HACD2: variants seen among roughly 807,000 people sequenced by gnomAD.
HACD2 encodes very-long-chain (3R)-3-hydroxyacyl-CoA dehydratase 2.
In HACD2, 15 loss-of-function variants were observed where a neutral mutation model predicts 31.0. The ratio of observed to expected loss-of-function variants is 0.48; its 90% CI spans 0.32 to 0.75. The LOEUF (loss-of-function observed/expected upper bound fraction) is 0.75, where lower values mean the gene tolerates loss of function less well. Ranked by LOEUF, HACD2 falls within the 30% of genes least tolerant of loss-of-function variation. The pLI is 0.03. For missense variants in HACD2, 283 were observed against 313.0 expected (o/e 0.90, Z 0.72); for synonymous variants, 115 against 122.2 (o/e 0.94, Z 0.39).
At chr3:123,522,331 A>AC in intron 4 of HACD2, among the ~76,000 whole-genome samples, 1 of 119,318 alleles carries the variant, frequency 8.4e-6, no homozygotes, top group Non-Finnish European at 1.9e-5. Flanking sequence ...CTGTCTCCAA[A>AC]CAAAAAAAAA....
intron 3 of HACD2, among the ~76,000 whole-genome samples, chr3:123,553,433 G>A (rs180931405): frequency 6.6e-6 from 1 of 152,336 alleles, no homozygotes; most frequent in Admixed American, 6.5e-5. Flanking sequence ...AAACATGGAT[G>A]GACTCAGAGA....
Position 123,541,338 on chromosome 3 carries a change from G to T in HACD2, c.293-12864C>A, listed in dbSNP as rs1038030981. Among the ~76,000 whole-genome samples the T allele has an allele frequency of 4.6e-5, 7 of 152,242 alleles. No homozygotes were observed. The South Asian group carries it at 8.3e-4, about 18-fold the overall frequency. The stretch of plus-strand genomic sequence containing the variant: ...AACACAAGATCTAATAAACAACAAG[G>T]TTGAGAGAATAAGTCATTTTCTCTT... On this transcript the variant is annotated intron_variant, in intron 3 of 6. Transcript: ENST00000383657.
chr3:123,519,356 A>C (rs1466964981), intron 4 of HACD2, among the ~76,000 whole-genome samples: 2 of 152,182 alleles, frequency 1.3e-5, no homozygotes, highest in Non-Finnish European at 2.9e-5. Context: ...GCTTAGTCAC[A>C]TGCTTTATTT....
intron 4 of HACD2, among the ~76,000 whole-genome samples, chr3:123,514,292 A>G (rs1351788469): frequency 1.3e-5 from 2 of 152,076 alleles, no homozygotes; most frequent in Non-Finnish European, 2.9e-5. Context: ...CAAAAAACAC[A>G]GAGAGAGTAG....
chr3:123,492,852 T>C lies in HACD2; in HGVS notation c.*2036A>G, dbSNP rs756890831. 3.9e-5 allele frequency: 6 copies of C among 152,186 alleles called. No individual in the cohort carries two copies. The highest frequency in any genetic ancestry group is 7.3e-5 in the Non-Finnish European group (5 of 68,038). The allele number at this position is 152,186 out of a possible 1,614,324, so 9.4% of individuals were successfully genotyped here. ...TCTATTTTATAGTAGAAATACATTA[T>C]GGAAGAATAAAATGAGAGAAAAGTC... On this transcript the variant is annotated 3_prime_UTR_variant, in exon 7 of 7. Transcript: ENST00000383657.
chr3:123,560,376 G>A (rs528940685), intron 3 of HACD2, among the ~76,000 whole-genome samples: 1 of 152,286 alleles, frequency 6.6e-6, no homozygotes, highest in African/African-American at 2.4e-5. Context: ...AAATGACAAA[G>A]GCAGAATTAA....
chr3:123,536,582 T>G (rs2056428948), intron 3 of HACD2, among the ~76,000 whole-genome samples: 1 of 152,108 alleles, frequency 6.6e-6, no homozygotes. Flanking sequence ...AACAGAAACC[T>G]GAAATGAAAA....
At chr3:123,579,984 C>G (rs1327810987) in intron 2 of HACD2, among the ~76,000 whole-genome samples, 1 of 152,000 alleles carries the variant, frequency 6.6e-6, no homozygotes, top group Non-Finnish European at 1.5e-5. Flanking sequence ...TCTATAGAGT[C>G]AGTTGGGAAA....
At chr3:123,497,306 G>A (rs1322460471) in intron 6 of HACD2, among the ~76,000 whole-genome samples, 1 of 152,192 alleles carries the variant, frequency 6.6e-6, no homozygotes, top group Non-Finnish European at 1.5e-5. Context: ...TCCCAATTCA[G>A]GGAACACAGA....
chr3:123,537,413 TA>T (rs1271047616), intron 3 of HACD2, among the ~76,000 whole-genome samples: 2 of 151,980 alleles, frequency 1.3e-5, no homozygotes. Flanking sequence ...AAAATTTTTT[TA>T]AAAAATAGCC....
Position 123,509,591 on chromosome 3 carries a change from C to T in HACD2, c.382-6910G>A, listed in dbSNP as rs558313680. ...TCAGCTCACTGCAAGCTCCGCTTCC[C>T]GGGTTCACGCCATTCTCCTGCCTCA... On this transcript the variant is annotated intron_variant, in intron 4 of 6. Transcript: ENST00000383657. Among the ~76,000 whole-genome samples the T allele has an allele frequency of 3.4e-3, 507 of 150,906 alleles. 5 individuals carry two copies. Among genetic ancestry groups the T allele is most frequent in the Non-Finnish European group, 3.5e-3 (236 of 67,738 alleles).
chr3:123,504,835 T>C (rs142082497), intron 4 of HACD2, among the ~76,000 whole-genome samples: 96 of 152,244 alleles, frequency 6.3e-4, no homozygotes, highest in African/African-American at 2.3e-3. Context: ...GATAAAGAGA[T>C]TGACCTTATG....
At chr3:123,574,044 T>C (rs1184051406) in intron 2 of HACD2, among the ~76,000 whole-genome samples, 1 of 152,230 alleles carries the variant, frequency 6.6e-6, no homozygotes, top group East Asian at 1.9e-4. Flanking sequence ...ACAGGGCTAA[T>C]TAATGGCAAA....
intron 3 of HACD2, among the ~76,000 whole-genome samples, chr3:123,551,051 G>C (rs1374923929): frequency 6.6e-6 from 1 of 152,178 alleles, no homozygotes; most frequent in Non-Finnish European, 1.5e-5. Flanking sequence ...AAGTAGTCAG[G>C]TTTTCAGTAA....
At chr3:123,539,648 C>A (rs1417028596) in intron 3 of HACD2, among the ~76,000 whole-genome samples, 1 of 151,840 alleles carries the variant, frequency 6.6e-6, no homozygotes, top group Non-Finnish European at 1.5e-5. Context: ...AATTTAAAAT[C>A]ATGAGAGAAA....
intron 4 of HACD2, among the ~76,000 whole-genome samples, chr3:123,509,813 C>T (rs2056033673): frequency 6.6e-6 from 1 of 152,072 alleles, no homozygotes; most frequent in African/African-American, 2.4e-5. Context: ...ACTTCTTTAG[C>T]ATACAAATGT....
rs373962665 is a variant in HACD2, at chr3:123,502,729, A to T, written c.382-48T>A. The T allele has an allele frequency of 5.1e-6, 8 of 1,554,230 alleles. No individual in the cohort carries two copies. The South Asian group carries it at 9.5e-5, about 18-fold the overall frequency. On this transcript the variant is annotated intron_variant, in intron 4 of 6. Coordinates refer to ENST00000383657, the MANE Select transcript of HACD2 (RefSeq NM_198402.5). ...GAAAAAAAACACACAGACAACGTTA[A>T]TGAAGACAGTGTGCAGCACCCGGCA...
At position 123,559,288 on chromosome 3, in the gene HACD2, T is replaced by G. The variant is rs745514175; in HGVS notation, c.292+8474A>C. ...GTAAACGTCTGTTACAGAAAACGTG[T>G]TGTGTGTGTCCTCTCTCAATTCTGT... is the stretch of plus-strand genomic sequence containing the variant. On this transcript the variant is annotated intron_variant, in intron 3 of 6. Coordinates refer to ENST00000383657, the MANE Select transcript of HACD2 (RefSeq NM_198402.5). Among the ~76,000 whole-genome samples the G allele has an allele frequency of 5.9e-4, 86 of 145,094 alleles. 1 individual carries two copies. Among genetic ancestry groups the G allele is most frequent in the Admixed American group, 7.3e-4 (11 of 15,050 alleles).
intron 4 of HACD2, among the ~76,000 whole-genome samples, chr3:123,503,783 T>C (rs1168529802): frequency 6.6e-6 from 1 of 151,488 alleles, no homozygotes; most frequent in Non-Finnish European, 1.5e-5. Flanking sequence ...CGAACAAATC[T>C]TGATGACAAG....
Sources: allele counts gnomAD v4.1 joint callset (sites outside exome capture counted in the v4.1 genomes callset), GRCh38; gene constraint gnomAD v4.1.1; transcripts MANE v1.5; gene names NCBI Gene and HGNC (gene_info 2026-07-23, HGNC 2026-07-21).